CTNNA2: variants seen among roughly 807,000 people sequenced by gnomAD.
CTNNA2 encodes the protein catenin alpha-2.
CTNNA2 carries 42 observed loss-of-function variants against 101.0 expected under a neutral mutation model. The ratio of observed to expected loss-of-function variants is 0.42; its 90% CI spans 0.32 to 0.54. CTNNA2 has a LOEUF of 0.54. CTNNA2 is among the 20% of genes least tolerant of loss of function. The probability of loss-of-function intolerance (pLI) is 0.14; values close to 1 mark genes in which losing one functional copy is unlikely to be tolerated. For missense variants in CTNNA2, 871 were observed against 1,223.1 expected (o/e 0.71, Z 4.29); for synonymous variants, 450 against 456.4 (o/e 0.99, Z 0.18).
chr2:79,736,627 A>G (rs1670896730), intron 2 of CTNNA2, among the ~76,000 whole-genome samples: 1 of 152,206 alleles, frequency 6.6e-6, no homozygotes, highest in Non-Finnish European at 1.5e-5. Flanking sequence ...ATTCACCCCA[A>G]AAATGTCTTG....
chr2:80,580,157 C>A (rs1446090519), intron 13 of CTNNA2, among the ~76,000 whole-genome samples: 1 of 152,202 alleles, frequency 6.6e-6, no homozygotes, highest in Non-Finnish European at 1.5e-5. Context: ...ATAATGTCTA[C>A]ATCATACGAG....
intron 2 of CTNNA2, among the ~76,000 whole-genome samples, chr2:79,311,968 T>A (rs542990911): frequency 6.6e-6 from 1 of 152,254 alleles, no homozygotes; most frequent in East Asian, 1.9e-4. Flanking sequence ...AGTGGGACAA[T>A]CATGGCTCAC....
At chr2:79,953,446 C>T (rs1689018133) in intron 7 of CTNNA2, among the ~76,000 whole-genome samples, 2 of 152,234 alleles carry the variant, frequency 1.3e-5, no homozygotes, top group South Asian at 4.1e-4. Flanking sequence ...GACTCCCCCA[C>T]TTTCCCTCTC....
intron 1 of CTNNA2, among the ~76,000 whole-genome samples, chr2:79,645,318 T>C (rs994478635): frequency 6.6e-6 from 1 of 152,158 alleles, no homozygotes; most frequent in Non-Finnish European, 1.5e-5. Context: ...TGAGCAACTT[T>C]CTCTACTGTT....
At chr2:79,218,966 G>A (rs774463261) in intron 2 of CTNNA2, among the ~76,000 whole-genome samples, 3 of 152,166 alleles carry the variant, frequency 2.0e-5, no homozygotes, top group African/African-American at 7.2e-5. Flanking sequence ...ACCACTCATA[G>A]TTAATCTCTG....
At chr2:79,298,197 C>T (rs1676026961) in intron 2 of CTNNA2, among the ~76,000 whole-genome samples, 1 of 152,090 alleles carries the variant, frequency 6.6e-6, no homozygotes, top group Non-Finnish European at 1.5e-5. Flanking sequence ...TTATTCATGG[C>T]AAAAGGCAAA....
intron 7 of CTNNA2, among the ~76,000 whole-genome samples, chr2:80,347,536 T>C (rs1302997395): frequency 6.6e-6 from 1 of 152,190 alleles, no homozygotes; most frequent in African/African-American, 2.4e-5. Flanking sequence ...TGCACAGCGC[T>C]CCTTAGACTC....
chr2:79,355,181 C>G (rs1022673443), intron 3 of CTNNA2, among the ~76,000 whole-genome samples: 1 of 151,934 alleles, frequency 6.6e-6, no homozygotes, highest in African/African-American at 2.4e-5. Flanking sequence ...CAGCTTTGTT[C>G]TTTTGCTTAA....
intron 7 of CTNNA2, among the ~76,000 whole-genome samples, chr2:80,255,406 A>G (rs1353975413): frequency 6.6e-6 from 1 of 151,940 alleles, no homozygotes; most frequent in African/African-American, 2.4e-5. Context: ...TTCCTTTCAG[A>G]AAGAATGAAA....
chr2:80,370,051 T>C (rs1675301493), intron 7 of CTNNA2, among the ~76,000 whole-genome samples: 1 of 152,132 alleles, frequency 6.6e-6, no homozygotes, highest in Admixed American at 6.5e-5. Context: ...TGCTAAAATA[T>C]AGGGAAACAC....
At chr2:79,329,254 C>T (rs183863802) in intron 3 of CTNNA2, among the ~76,000 whole-genome samples, 19 of 152,206 alleles carry the variant, frequency 1.2e-4, no homozygotes, top group Non-Finnish European at 2.4e-4. Context: ...TATCCTTTTC[C>T]GGAGCACAGT....
At chr2:80,219,871 T>A (rs1187562830) in intron 7 of CTNNA2, among the ~76,000 whole-genome samples, 1 of 152,216 alleles carries the variant, frequency 6.6e-6, no homozygotes, top group East Asian at 1.9e-4. Flanking sequence ...GGTTTCTCTA[T>A]GCAACTTTAT....
At chr2:79,907,223 C>A (rs1685483311) in intron 6 of CTNNA2, among the ~76,000 whole-genome samples, 1 of 151,986 alleles carries the variant, frequency 6.6e-6, no homozygotes, top group African/African-American at 2.4e-5. Context: ...TAAAATAGGT[C>A]TTTGAAAATC....
intron 4 of CTNNA2, among the ~76,000 whole-genome samples, chr2:79,389,260 T>C (rs891329327): frequency 2.0e-5 from 3 of 152,148 alleles, no homozygotes; most frequent in African/African-American, 7.2e-5. Flanking sequence ...ATTTAATCAA[T>C]CATATGGTTA....
chr2:80,119,244 C>T (rs1701698273), intron 7 of CTNNA2, among the ~76,000 whole-genome samples: 2 of 152,148 alleles, frequency 1.3e-5, no homozygotes, highest in South Asian at 4.1e-4. Context: ...GTGTCTTCTG[C>T]CATTTATCTA....
intron 4 of CTNNA2, among the ~76,000 whole-genome samples, chr2:79,864,320 T>C (rs536151448): frequency 6.6e-6 from 1 of 152,254 alleles, no homozygotes; most frequent in Admixed American, 6.5e-5. Flanking sequence ...AGAGGAGTCT[T>C]GGAGTGTTTG....
At position 80,392,574 on chromosome 2, in the gene CTNNA2, C is replaced by CT. The variant is rs200126247; in HGVS notation, c.1057-627dup. 1.6e-3 allele frequency among the ~76,000 whole-genome samples: 243 copies of CT among 149,776 alleles called. 5 individuals are homozygous for CT. The East Asian group carries it at 0.041, about 26-fold the overall frequency. On this transcript the variant is annotated intron_variant, in intron 7 of 18. Transcript: ENST00000402739. Reference sequence around the variant, plus strand: ...CAAGTGAACAATTTATTAAAGAACACTTTTTTTTTTCTCTACCTCTGCCTG... The same window carrying CT: ...CAAGTGAACAATTTATTAAAGAACACTTTTTTTTTTTCTCTACCTCTGCCTG...
intron 1 of CTNNA2, among the ~76,000 whole-genome samples, chr2:79,647,535 A>G (rs770355984): frequency 2.0e-5 from 3 of 151,828 alleles, no homozygotes; most frequent in Admixed American, 6.6e-5. Context: ...TACGTTCCTT[A>G]TTTGTTTATT....
chr2:80,549,513 G>A (rs1354212183), intron 11 of CTNNA2, among the ~76,000 whole-genome samples: 1 of 152,014 alleles, frequency 6.6e-6, no homozygotes, highest in Non-Finnish European at 1.5e-5. Flanking sequence ...CAAATATAAG[G>A]AAGTTTACAA....
Sources: gnomAD v4.1 joint callset for allele counts (sites outside exome capture counted in the v4.1 genomes callset) on GRCh38, gnomAD v4.1.1 for gene constraint, MANE v1.5 for transcripts, NCBI Gene and HGNC (gene_info 2026-07-23, HGNC 2026-07-21) for gene names.